Variants in PARN observed in about 807,000 individuals in gnomAD.
The protein encoded by PARN is poly(A)-specific ribonuclease PARN.
A neutral mutation model predicts 102.8 loss-of-function variants in PARN; 71 were observed. The observed-to-expected ratio is 0.69, with a 90% CI of 0.57 to 0.84. The LOEUF (loss-of-function observed/expected upper bound fraction) is 0.84. PARN is among the 40% of genes least tolerant of loss of function. The pLI is 0.00. For missense variants in PARN, 782 were observed against 760.9 expected (o/e 1.03, Z -0.33); for synonymous variants, 261 against 252.9 (o/e 1.03, Z -0.30).
At chr16:14,488,166 G>A (rs1963828817) in intron 21 of PARN, among the ~76,000 whole-genome samples, 2 of 152,042 alleles carry the variant, frequency 1.3e-5, no homozygotes, top group African/African-American at 4.8e-5. Context: ...AGGAAAAGCT[G>A]GAAAAATTGT....
At chr16:14,595,259 TAAGAA>T (rs1970429214) in intron 12 of PARN, among the ~76,000 whole-genome samples, 1 of 151,978 alleles carries the variant, frequency 6.6e-6, no homozygotes, top group Non-Finnish European at 1.5e-5. Context: ...AAGGCACAAA[TAAGAA>T]AAGAGAGGAA....
At chr16:14,441,033 C>T (rs1960917696) in intron 23 of PARN, among the ~76,000 whole-genome samples, 3 of 151,880 alleles carry the variant, frequency 2.0e-5, no homozygotes, top group Non-Finnish European at 2.9e-5. Flanking sequence ...GCTGACCTGG[C>T]GCAAGATATT....
At chr16:14,581,320 G>A (rs1319551285) in intron 17 of PARN, among the ~76,000 whole-genome samples, 2 of 152,106 alleles carry the variant, frequency 1.3e-5, no homozygotes, top group Non-Finnish European at 2.9e-5. Context: ...CTAAAGTGCT[G>A]GGATTACAGG....
At chr16:14,529,954 A>T (rs1326458961) in intron 21 of PARN, among the ~76,000 whole-genome samples, 1 of 151,008 alleles carries the variant, frequency 6.6e-6, no homozygotes, top group Non-Finnish European at 1.5e-5. Flanking sequence ...AGGCCTCTGA[A>T]CTCTAAACGA....
At chr16:14,624,016 T>C (rs1011755607) in intron 5 of PARN, among the ~76,000 whole-genome samples, 16 of 152,224 alleles carry the variant, frequency 1.1e-4, no homozygotes, top group Admixed American at 5.9e-4. Flanking sequence ...TGTCATGCTA[T>C]GCTGACTGCC....
intron 20 of PARN, among the ~76,000 whole-genome samples, chr16:14,552,632 T>C (rs1032903515): frequency 1.3e-5 from 2 of 151,546 alleles, no homozygotes; most frequent in African/African-American, 4.8e-5. Context: ...CACACCACCA[T>C]GCTTACACAT....
chr16:14,440,767 C>T (rs1490777668), intron 23 of PARN, among the ~76,000 whole-genome samples: 2 of 152,304 alleles, frequency 1.3e-5, no homozygotes, highest in South Asian at 4.1e-4. Flanking sequence ...GGCTAACTAT[C>T]GCATGATTCC....
intron 21 of PARN, among the ~76,000 whole-genome samples, chr16:14,535,328 A>G (rs1966565364): frequency 6.6e-6 from 1 of 152,242 alleles, no homozygotes. Flanking sequence ...TTGCTAAACA[A>G]AATGAAGTAA....
At chr16:14,478,335 A>ATAAT (rs1963186445) in intron 22 of PARN, among the ~76,000 whole-genome samples, 1 of 152,266 alleles carries the variant, frequency 6.6e-6, no homozygotes, top group Admixed American at 6.5e-5. Context: ...AAATAAATAA[A>ATAAT]AGACAAAACC....
chr16:14,531,094 T>A (rs1361583219), intron 21 of PARN, among the ~76,000 whole-genome samples: 1 of 152,184 alleles, frequency 6.6e-6, no homozygotes, highest in Non-Finnish European at 1.5e-5. Flanking sequence ...CTCATGCCTG[T>A]AATCCCAGCA....
chr16:14,605,943 A>G (rs902145110), intron 10 of PARN, among the ~76,000 whole-genome samples: 2 of 152,186 alleles, frequency 1.3e-5, no homozygotes, highest in Admixed American at 6.6e-5. Flanking sequence ...CATCACTTCC[A>G]CTTACCCACG....
Position 14,556,765 on chromosome 16 carries a change from T to C in PARN, c.1263-1056A>G, listed in dbSNP as rs142666035. ...TAAGTGTAACCCTTACAATGGGCAT[T>C]TGTGAGCTGAGAATGACAACACAGG... is the stretch of plus-strand genomic sequence containing the variant. On this transcript the variant is annotated intron_variant, in intron 18 of 23. Transcript: ENST00000437198. 4.6e-5 allele frequency among the ~76,000 whole-genome samples: 7 copies of C among 152,304 alleles called. No individual in the cohort carries two copies. The East Asian group carries it at 1.3e-3, about 29-fold the overall frequency.
At chr16:14,498,472 A>C (rs151205843) in intron 21 of PARN, among the ~76,000 whole-genome samples, 1 of 152,136 alleles carries the variant, frequency 6.6e-6, no homozygotes, top group East Asian at 1.9e-4. Context: ...CGCTATGAAC[A>C]TGAGTCCTCT....
chr16:14,484,148 G>A (rs189942383), intron 21 of PARN, among the ~76,000 whole-genome samples: 29 of 152,306 alleles, frequency 1.9e-4, no homozygotes, highest in Admixed American at 9.8e-4. Flanking sequence ...CTAATTCTCC[G>A]TAATGCGCCT....
At chr16:14,543,091 C>T (rs927420194) in intron 21 of PARN, among the ~76,000 whole-genome samples, 1 of 152,140 alleles carries the variant, frequency 6.6e-6, no homozygotes, top group Non-Finnish European at 1.5e-5. Context: ...AAAATTAACA[C>T]ATTATATACA....
chr16:14,606,606 G>A (rs1425896976), intron 9 of PARN, 80 bp from the exon 10 acceptor site: 18 of 677,360 alleles, frequency 2.7e-5, no homozygotes, highest in South Asian at 2.4e-4. Flanking sequence ...CAACTATCCA[G>A]CTACTAATTA....
At chr16:14,479,403 AGAGT>A (rs1388463523) in intron 22 of PARN, among the ~76,000 whole-genome samples, 3 of 151,992 alleles carry the variant, frequency 2.0e-5, no homozygotes, top group African/African-American at 7.2e-5. Context: ...CCTGGATGAC[AGAGT>A]GAGACCCCCA....
chr16:14,610,366 T>C (rs1003854604), intron 7 of PARN, among the ~76,000 whole-genome samples: 6 of 149,728 alleles, frequency 4.0e-5, no homozygotes, highest in Middle Eastern at 3.5e-3. Context: ...CCAGCTACTC[T>C]GGAGGCTGAG....
intron 18 of PARN, among the ~76,000 whole-genome samples, chr16:14,568,355 G>C (rs575893088): frequency 6.6e-6 from 1 of 151,342 alleles, no homozygotes; most frequent in South Asian, 2.1e-4. Flanking sequence ...TGGGACTACA[G>C]GTACCCGCCA....
Sources: allele counts gnomAD v4.1 joint callset (sites outside exome capture counted in the v4.1 genomes callset), GRCh38; gene constraint gnomAD v4.1.1; transcripts MANE v1.5; gene names NCBI Gene and HGNC (gene_info 2026-07-23, HGNC 2026-07-21).